Variants in RP1 observed in about 807,000 individuals in gnomAD.
The protein encoded by RP1 is oxygen-regulated protein 1.
Under a neutral mutation model 14.8 loss-of-function variants are expected in RP1, and 16 were observed. The ratio of observed to expected loss-of-function variants is 1.08; its 90% CI spans 0.73 to 1.65. RP1 has a LOEUF of 1.65. RP1 is among the 40% of genes most tolerant of loss of function. RP1 has a pLI of 0.00. For synonymous variants in RP1, 876 were observed against 883.6 expected (o/e 0.99, Z 0.15); for missense variants, 2,631 against 2,535.0 (o/e 1.04, Z -0.81).
intron 22 of RP1, among the ~76,000 whole-genome samples, chr8:54,768,062 T>C (rs942190087): frequency 2.0e-5 from 3 of 152,196 alleles, no homozygotes; most frequent in Non-Finnish European, 2.9e-5. Context: ...TTCCTTGACA[T>C]TGTCAGATCC....
At chr8:54,714,549 T>G (rs1808359477) in intron 15 of RP1, among the ~76,000 whole-genome samples, 1 of 152,158 alleles carries the variant, frequency 6.6e-6, no homozygotes, top group East Asian at 1.9e-4. Context: ...GAAGACAGCT[T>G]CAGCTCCCTA....
At chr8:54,811,487 C>T (rs542055913) in intron 24 of RP1, among the ~76,000 whole-genome samples, 3 of 152,310 alleles carry the variant, frequency 2.0e-5, no homozygotes, top group Admixed American at 2.0e-4. Context: ...TCTTGCAGTA[C>T]TAATCACATT....
chr8:54,719,763 T>C (rs1015059606), intron 15 of RP1, among the ~76,000 whole-genome samples: 16 of 152,220 alleles, frequency 1.1e-4, no homozygotes, highest in African/African-American at 3.9e-4. Context: ...ATAGCACTTT[T>C]CCCACCATTT....
chr8:54,618,145 T>C lies in RP1; in HGVS notation c.-13+1943T>C, dbSNP rs144184858. Among the ~76,000 whole-genome samples the C allele has an allele frequency of 4.6e-5, 7 of 152,316 alleles. No homozygotes were observed. In the East Asian group the frequency reaches 1.4e-3, roughly 29 times the overall value. ...CAACAAGGTGCCTGGCAACCACGTG[T>C]TGGATGCACCTTCTCTGCAAATGCT... On this transcript the variant is annotated intron_variant, in intron 1 of 3. Coordinates refer to ENST00000220676, the MANE Select transcript of RP1 (RefSeq NM_006269.2).
intron 12 of RP1, among the ~76,000 whole-genome samples, chr8:54,698,601 C>T (rs1807932320): frequency 1.3e-5 from 2 of 152,116 alleles, no homozygotes; most frequent in South Asian, 2.1e-4. Flanking sequence ...ATGTTTATTG[C>T]AGCACTGTTC....
intron 7 of RP1, among the ~76,000 whole-genome samples, chr8:54,669,464 T>A (rs546459281): frequency 1.3e-5 from 2 of 152,338 alleles, no homozygotes; most frequent in East Asian, 3.9e-4. Flanking sequence ...TGGAAGACAG[T>A]GTGGCGATTC....
intron 12 of RP1, among the ~76,000 whole-genome samples, chr8:54,681,250 C>A (rs1265523736): frequency 2.0e-5 from 3 of 152,016 alleles, no homozygotes; most frequent in Non-Finnish European, 4.4e-5. Context: ...CTAAATTGTA[C>A]CCTACTTGTA....
At chr8:54,820,918 G>A (rs966437650) in intron 24 of RP1, among the ~76,000 whole-genome samples, 3 of 152,126 alleles carry the variant, frequency 2.0e-5, no homozygotes, top group Non-Finnish European at 2.9e-5. Context: ...CCAGGAATCC[G>A]CAGGAGGATC....
chr8:54,638,704 T>G, intron 3 of RP1, among the ~76,000 whole-genome samples: 1 of 152,122 alleles, frequency 6.6e-6, no homozygotes, highest in East Asian at 1.9e-4. Flanking sequence ...GGTTGGTTTG[T>G]TTGTTTTTGC....
In RP1 at chr8:54,625,236, C is replaced by T. The variant is rs1489659885; in HGVS notation, c.1354C>T (p.Pro452Ser). 1.2e-6 allele frequency: 2 copies of T among 1,614,130 alleles called. No individual in the cohort carries two copies. Among genetic ancestry groups the T allele is most frequent in the Non-Finnish European group, 1.7e-6 (2 of 1,180,038 alleles). ...GCATCGTTTTTATAGGCCCCCTACA[C>T]CTGGACTAAGAAGAGTGAGACAAAA... ...AKHRFYRPPTPGLRRVRQKKS... is the reference protein window; with the variant it reads ...AKHRFYRPPTSGLRRVRQKKS... Residue 452 changes from proline to serine, a missense_variant, in exon 4 of 4, where the codon CCT (proline) becomes TCT (serine). Coordinates refer to ENST00000220676, the MANE Select transcript of RP1 (RefSeq NM_006269.2).
intron 23 of RP1, among the ~76,000 whole-genome samples, chr8:54,775,760 A>C (rs1302276633): frequency 1.3e-5 from 2 of 152,242 alleles, no homozygotes; most frequent in Non-Finnish European, 2.9e-5. Context: ...TGGTAGCAGT[A>C]GAATTGGTAG....
In RP1 at chr8:54,765,104, G is replaced by A. The variant is rs117200133; in HGVS notation, c.3249-4637G>A. Among the ~76,000 whole-genome samples the A allele has an allele frequency of 4.6e-5, 7 of 152,350 alleles. No individual in the cohort carries two copies. In the East Asian group the frequency reaches 1.3e-3, roughly 29 times the overall value. ...TCACTGCAGCCTCACACACCAGCAGGCCGCATCTCCATGCATGAGATTCTT... is the reference window on the plus strand; with the variant it reads ...TCACTGCAGCCTCACACACCAGCAGACCGCATCTCCATGCATGAGATTCTT... On this transcript the variant is annotated intron_variant, in intron 22 of 22. Transcript: ENST00000636932.
chr8:54,761,350 C>T (rs538961855), intron 22 of RP1, among the ~76,000 whole-genome samples: 19 of 151,278 alleles, frequency 1.3e-4, no homozygotes, highest in African/African-American at 4.6e-4. Flanking sequence ...AATTCTCCTG[C>T]CTCAGCCTCC....
chr8:54,804,399 A>G (rs940275450), intron 24 of RP1, among the ~76,000 whole-genome samples: 2 of 152,224 alleles, frequency 1.3e-5, no homozygotes, highest in African/African-American at 2.4e-5. Context: ...TAACCCTTGT[A>G]GGGTAGACAT....
chr8:54,651,634 G>A (rs1027914200), intron 4 of RP1, among the ~76,000 whole-genome samples: 1 of 151,682 alleles, frequency 6.6e-6, no homozygotes, highest in South Asian at 2.1e-4. Flanking sequence ...TTTGATTTTA[G>A]CAATTCTCTT....
intron 6 of RP1, among the ~76,000 whole-genome samples, chr8:54,661,279 T>TATTATATATAA (rs1806888674): frequency 6.9e-6 from 1 of 145,562 alleles, no homozygotes; most frequent in Admixed American, 7.0e-5. Flanking sequence ...AAATGATATA[T>TATTATATATAA]ATGATATATA....
At chr8:54,667,525 C>T (rs1807046520) in intron 7 of RP1, among the ~76,000 whole-genome samples, 1 of 152,066 alleles carries the variant, frequency 6.6e-6, no homozygotes, top group Non-Finnish European at 1.5e-5. Context: ...GAAAAACAAA[C>T]ACTTCCTTTT....
At chr8:54,741,651 A>T (rs1809087918) in intron 19 of RP1, among the ~76,000 whole-genome samples, 1 of 146,202 alleles carries the variant, frequency 6.8e-6, no homozygotes, top group South Asian at 2.2e-4. Flanking sequence ...AATATATATA[A>T]AAACATATGT....
intron 24 of RP1, among the ~76,000 whole-genome samples, chr8:54,792,296 G>T (rs1384302209): frequency 2.6e-5 from 4 of 151,874 alleles, no homozygotes; most frequent in Non-Finnish European, 5.9e-5. Context: ...CTCAATGACG[G>T]ATAGATCATC....
Sources: gnomAD v4.1 joint callset for allele counts (sites outside exome capture counted in the v4.1 genomes callset) on GRCh38, gnomAD v4.1.1 for gene constraint, MANE v1.5 for transcripts, NCBI Gene and HGNC (gene_info 2026-07-23, HGNC 2026-07-21) for gene names.